Variants in ASB9 observed in about 807,000 individuals in gnomAD.
ASB9 encodes ankyrin repeat and SOCS box protein 9.
Under a neutral mutation model 16.6 loss-of-function variants are expected in ASB9, and 5 were observed. That is an observed-to-expected ratio of 0.30 (90% CI 0.16 to 0.63). ASB9 has a LOEUF of 0.63. Ranked by LOEUF, ASB9 falls within the 30% of genes least tolerant of loss-of-function variation. ASB9 has a pLI of 0.82. For missense variants in ASB9, 216 were observed against 229.4 expected (o/e 0.94, Z 0.38); for synonymous variants, 100 against 86.4 (o/e 1.16, Z -0.87).
At chrX:15,269,551 G>C (rs1157889023) in intron 1 of ASB9, among the ~76,000 whole-genome samples, 1 of 112,221 alleles carries the variant, frequency 8.9e-6, no homozygotes, top group Non-Finnish European at 1.9e-5. Flanking sequence ...AATTTTCACT[G>C]GAGAATAATT....
intron 1 of ASB9, among the ~76,000 whole-genome samples, chrX:15,266,816 G>A (rs1450237228): frequency 1.8e-5 from 2 of 109,095 alleles, no homozygotes; most frequent in African/African-American, 3.4e-5. Flanking sequence ...GGCGCCTGTA[G>A]TCCCAGCTAC....
chrX:15,266,932 T>TGG, intron 1 of ASB9, among the ~76,000 whole-genome samples: 1 of 20,228 alleles, frequency 4.9e-5, no homozygotes, highest in African/African-American at 2.6e-4. Context: ...CGAGACTCCA[T>TGG]CTCAAAAAAA....
intron 1 of ASB9, among the ~76,000 whole-genome samples, chrX:15,262,535 A>G (rs1331667546): frequency 8.9e-6 from 1 of 112,857 alleles, no homozygotes; most frequent in Non-Finnish European, 1.9e-5. Flanking sequence ...AAATTTATAC[A>G]AGGACTTTGA....
At chrX:15,246,637 G>A (rs1924691990) in intron 6 of ASB9, among the ~76,000 whole-genome samples, 1 of 110,895 alleles carries the variant, frequency 9.0e-6, no homozygotes, top group Non-Finnish European at 1.9e-5. Flanking sequence ...CACCACGCCC[G>A]GCTAATTTTT....
At chrX:15,245,677 T>C (rs1182371847) in intron 6 of ASB9, among the ~76,000 whole-genome samples, 1 of 111,602 alleles carries the variant, frequency 9.0e-6, no homozygotes, top group Non-Finnish European at 1.9e-5. Flanking sequence ...CTTCAGTTAT[T>C]GTTGGGTGAA....
chrX:15,255,874 T>C (rs1307177803), intron 2 of ASB9, among the ~76,000 whole-genome samples: 3 of 112,014 alleles, frequency 2.7e-5, no homozygotes, highest in Non-Finnish European at 5.6e-5. Flanking sequence ...ACTAATATAA[T>C]TGCTCTTTAA....
At chrX:15,256,500 G>A (rs186299394) in intron 2 of ASB9, among the ~76,000 whole-genome samples, 244 of 107,072 alleles carry the variant, frequency 2.3e-3, no homozygotes, top group African/African-American at 8.0e-3. Context: ...ACTCTTGGCC[G>A]GGTGCAGTGG....
intron 1 of ASB9, among the ~76,000 whole-genome samples, chrX:15,261,758 T>TCTAG (rs965654070): frequency 3.6e-5 from 4 of 112,604 alleles, no homozygotes; most frequent in African/African-American, 1.3e-4. Flanking sequence ...TGTGAATATC[T>TCTAG]CTAGCTAGCT....
chrX:15,246,382 T>C (rs1483538122), intron 6 of ASB9, among the ~76,000 whole-genome samples: 2 of 112,601 alleles, frequency 1.8e-5, no homozygotes, highest in Non-Finnish European at 3.8e-5. Flanking sequence ...GGGTTTGCTT[T>C]GCTCGGTAAT....
intron 2 of ASB9, 62 bp downstream of exon 2, chrX:15,258,804 T>C (rs1361534915): frequency 2.2e-6 from 2 of 913,823 alleles, no homozygotes; most frequent in Non-Finnish European, 3.2e-6. Flanking sequence ...TATGTTATTA[T>C]GTCACACATT....
chrX:15,257,103 A>C (rs1925631510), intron 2 of ASB9, among the ~76,000 whole-genome samples: 1 of 111,491 alleles, frequency 9.0e-6, no homozygotes, highest in South Asian at 3.8e-4. Context: ...TCCAGGCACA[A>C]CTGCCATTGT....
At chrX:15,266,552 A>G (rs559286835) in intron 1 of ASB9, among the ~76,000 whole-genome samples, 1 of 112,032 alleles carries the variant, frequency 8.9e-6, no homozygotes, top group African/African-American at 3.2e-5. Flanking sequence ...CTCTAGCTGT[A>G]AAAACTTGTT....
At chrX:15,267,425 TATATATA>T (rs1926569694) in intron 1 of ASB9, among the ~76,000 whole-genome samples, 3 of 87,550 alleles carry the variant, frequency 3.4e-5, no homozygotes, top group African/African-American at 1.2e-4. Flanking sequence ...AAAATATATA[TATATATA>T]TAATTATATA....
At chrX:15,264,581 G>A (rs752369737) in intron 1 of ASB9, among the ~76,000 whole-genome samples, 1 of 111,196 alleles carries the variant, frequency 9.0e-6, no homozygotes, top group East Asian at 2.8e-4. Flanking sequence ...GTGGAGGTGG[G>A]AGCAGCAAGA....
intron 3 of ASB9, among the ~76,000 whole-genome samples, chrX:15,254,253 C>A (rs12006909): frequency 0.014 from 1,552 of 112,186 alleles, 25 homozygotes; most frequent in African/African-American, 0.047. Flanking sequence ...TTTGCTGTTG[C>A]CAGAAGATAG....
rs73635069 is a variant in ASB9 at position 15,250,513 on chromosome X, T to C, written c.485A>G (p.His162Arg). The C allele has an allele frequency of 8.1e-5, 98 of 1,207,723 alleles. No homozygotes were observed. The African/African-American group carries it at 1.6e-3, about 20-fold the overall frequency. Residue 162 changes from histidine to arginine, a missense_variant, in exon 5 of 7, where the codon CAT becomes CGT. Physicochemically the swap from His to Arg is conservative, Grantham distance 29. Coordinates refer to ENST00000380488, the MANE Select transcript of ASB9 (RefSeq NM_001031739.3). ...SLIAYGGNID[H>R]KISHLGTPLY... is the part of the protein sequence containing the mutation. ...TGGAGTGCCCAGGTGGCTGATCTTA[T>C]GGTCAATGTTGCCCCCATAAGCTAT...
rs1202627309 is a variant in ASB9 at position 15,248,967 on chromosome X, C to T, written c.569-32G>A. 4 of 1,123,591 alleles carry T rather than the reference C, an allele frequency of 3.6e-6. No individual in the cohort carries two copies. The East Asian group carries it at 1.2e-4, about 35-fold the overall frequency. The allele number at this position is 1,123,591 out of a possible 1,213,427, so 92.6% of individuals were successfully genotyped here. ...AGTCACGAGAACAAAAAAGAGTCAG[C>T]AAGGAGCAGAATCCAACCATCGGGG... On this transcript the variant is annotated intron_variant, in intron 5 of 6. Transcript: ENST00000380488.
intron 1 of ASB9, among the ~76,000 whole-genome samples, chrX:15,266,889 T>C (rs1485329257): frequency 9.4e-6 from 1 of 106,325 alleles, no homozygotes; most frequent in Non-Finnish European, 1.9e-5. Flanking sequence ...TGAGCCAAGA[T>C]TGTGCCACTG....
At chrX:15,266,069 C>G (rs573602446) in intron 1 of ASB9, among the ~76,000 whole-genome samples, 1 of 111,232 alleles carries the variant, frequency 9.0e-6, no homozygotes. Flanking sequence ...TCCCAAAGTG[C>G]TGGGATTACA....
Sources: allele counts gnomAD v4.1 joint callset (sites outside exome capture counted in the v4.1 genomes callset), GRCh38; gene constraint gnomAD v4.1.1; transcripts MANE v1.5; gene names NCBI Gene and HGNC (gene_info 2026-07-23, HGNC 2026-07-21).